Variants in DIRAS2 observed in about 807,000 individuals in gnomAD.
DIRAS2 encodes GTP-binding protein Di-Ras2.
A neutral mutation model predicts 13.9 loss-of-function variants in DIRAS2; 5 were observed. The ratio of observed to expected loss-of-function variants is 0.36; its 90% CI spans 0.19 to 0.76. DIRAS2 has a LOEUF of 0.76. Among genes scored for constraint, DIRAS2 ranks in the 30% least tolerant of loss-of-function variants. The pLI is 0.53. For synonymous variants in DIRAS2, 111 were observed against 105.4 expected, an observed-to-expected ratio of 1.05 and a Z score of -0.33; for missense variants, 191 against 263.0, an observed-to-expected ratio of 0.73 and a Z score of 1.89.
Position 90,613,243 on chromosome 9 carries a change from C to T in DIRAS2, c.585G>A (p.Lys195=), listed in dbSNP as rs1173493031. 9 of 1,613,184 alleles carry T rather than the reference C, an allele frequency of 5.6e-6. No homozygotes were observed. Among genetic ancestry groups the T allele is most frequent in the Non-Finnish European group, 6.8e-6 (8 of 1,179,706 alleles). ...GGAAGGGCCTTCACATGATCACGCACTTGCCTTTGAGCTTCTCTTTCCTTT... is the reference window on the plus strand; with the variant it reads ...GGAAGGGCCTTCACATGATCACGCATTTGCCTTTGAGCTTCTCTTTCCTTT... ...QQKRKEKLKG[K]CVIM is the part of the protein sequence containing the mutation. Residue 195 remains lysine, a synonymous_variant, in exon 2 of 2, where the codon AAG becomes AAA. Transcript: ENST00000375765. This position sits in a 1 kb window ranked among gnomAD's most constrained non-coding sequence, Gnocchi z 5.6.
intron 1 of DIRAS2, among the ~76,000 whole-genome samples, chr9:90,619,995 T>C (rs773307228): frequency 8.7e-5 from 13 of 148,598 alleles, no homozygotes; most frequent in Non-Finnish European, 1.6e-4. Flanking sequence ...ATTGCAAATA[T>C]ACAGAAAGGG....
chr9:90,633,103 G>T (rs1825340434), intron 1 of DIRAS2, among the ~76,000 whole-genome samples: 1 of 152,054 alleles, frequency 6.6e-6, no homozygotes, highest in African/African-American at 2.4e-5. Flanking sequence ...TGTGAGGAGA[G>T]TCTGGAAAAG....
intron 1 of DIRAS2, among the ~76,000 whole-genome samples, chr9:90,633,738 G>C (rs1825347000): frequency 6.6e-6 from 1 of 152,214 alleles, no homozygotes; most frequent in Non-Finnish European, 1.5e-5. Flanking sequence ...AGTCAAATGA[G>C]AACTGGCGAG....
chr9:90,639,578 C>CG (rs151068944), intron 1 of DIRAS2, among the ~76,000 whole-genome samples: 94 of 152,016 alleles, frequency 6.2e-4, no homozygotes, highest in Non-Finnish European at 2.6e-4. Flanking sequence ...GAAGCAAACC[C>CG]GGGGGGGCAG....
rs935150475 is a variant in DIRAS2 at position 90,611,042 on chromosome 9, A to G, written c.*2186T>C. On this transcript the variant is annotated 3_prime_UTR_variant, in exon 2 of 2. Coordinates refer to ENST00000375765, the MANE Select transcript of DIRAS2 (RefSeq NM_017594.5). The stretch of plus-strand genomic sequence containing the variant: ...GCATTCTACTGTTAACAAAGAACCC[A>G]ATCAAAATCTATAGGTCTACTTTGG... 1 of 152,186 alleles carries G rather than the reference A, an allele frequency of 6.6e-6. No individual in the cohort carries two copies. Among genetic ancestry groups the G allele is most frequent in the Non-Finnish European group, 1.5e-5 (1 of 68,022 alleles). The allele number at this position is 152,186 out of a possible 1,614,324, so 9.4% of individuals were successfully genotyped here.
chr9:90,632,983 T>C (rs539885009), intron 1 of DIRAS2, among the ~76,000 whole-genome samples: 345 of 152,278 alleles, frequency 2.3e-3, no homozygotes, highest in African/African-American at 7.6e-3. Context: ...GACGGATTAG[T>C]GAAGCCAGAC....
At chr9:90,615,581 C>T (rs1825161725) in intron 1 of DIRAS2, among the ~76,000 whole-genome samples, 2 of 152,166 alleles carry the variant, frequency 1.3e-5, no homozygotes, top group Non-Finnish European at 2.9e-5. Flanking sequence ...GTCACTATAA[C>T]AGAATACCTC....
chr9:90,631,115 G>T (rs1825320838), intron 1 of DIRAS2, among the ~76,000 whole-genome samples: 1 of 152,178 alleles, frequency 6.6e-6, no homozygotes, highest in African/African-American at 2.4e-5. Context: ...GATGATGAGA[G>T]ACCAGGGAAG....
At chr9:90,617,008 A>G (rs756157860) in intron 1 of DIRAS2, among the ~76,000 whole-genome samples, 4 of 152,200 alleles carry the variant, frequency 2.6e-5, no homozygotes, top group Non-Finnish European at 5.9e-5. Flanking sequence ...CATTTCACAG[A>G]GGGCTGGAAC....
At chr9:90,640,062 A>G (rs1825405215) in intron 1 of DIRAS2, among the ~76,000 whole-genome samples, 1 of 152,224 alleles carries the variant, frequency 6.6e-6, no homozygotes, top group African/African-American at 2.4e-5. Context: ...AAAAGGTAAA[A>G]TATCTTACCA....
chr9:90,633,317 A>C (rs1825343833), intron 1 of DIRAS2, among the ~76,000 whole-genome samples: 1 of 152,184 alleles, frequency 6.6e-6, no homozygotes, highest in African/African-American at 2.4e-5. Flanking sequence ...GGTAGACTGG[A>C]GGAGAAGGAA....
rs1825131354 is a variant in DIRAS2, at chr9:90,613,120, A to G, written c.*108T>C. On this transcript the variant is annotated 3_prime_UTR_variant, in exon 2 of 2. Transcript: ENST00000375765. The surrounding 1 kb of genome is among the most constrained non-coding windows in gnomAD (Gnocchi z 5.6). ...AATAGGACGCATCTCGATTAAATGC[A>G]ATGTTTAACACGTGGGCATTATACA... is the stretch of plus-strand genomic sequence containing the variant. The G allele has an allele frequency of 3.4e-6, 5 of 1,458,180 alleles. No individual in the cohort carries two copies. The highest frequency in any genetic ancestry group is 1.4e-5 in the African/African-American group (1 of 70,762). 90.3% of individuals were successfully genotyped at this position (1,458,180 alleles called of 1,614,324 possible). A position where few individuals can be genotyped will look rare whatever the true frequency, so the allele number is the denominator to read the frequency against.
intron 1 of DIRAS2, among the ~76,000 whole-genome samples, chr9:90,626,959 C>T (rs1825275214): frequency 6.6e-6 from 1 of 152,150 alleles, no homozygotes; most frequent in Non-Finnish European, 1.5e-5. Context: ...GAATTGTAAG[C>T]CCCAATGCTG....
intron 1 of DIRAS2, among the ~76,000 whole-genome samples, chr9:90,618,457 C>T (rs1825189841): frequency 1.3e-5 from 2 of 152,158 alleles, no homozygotes; most frequent in Admixed American, 1.3e-4. Flanking sequence ...AACTATAAAA[C>T]TCTTAGAAGA....
chr9:90,612,525 T>A lies in DIRAS2; in HGVS notation c.*703A>T, dbSNP rs564905100. On this transcript the variant is annotated 3_prime_UTR_variant, in exon 2 of 2. Coordinates refer to ENST00000375765, the MANE Select transcript of DIRAS2 (RefSeq NM_017594.5). ...TGTCACGATATCCTCACTTAAAAAC[T>A]GAAGAACTTCCGACAGAGCAGCACA... The A allele has an allele frequency of 2.0e-5, 3 of 152,414 alleles. No homozygotes were observed. In the South Asian group the frequency reaches 6.2e-4, roughly 32 times the overall value. 9.4% of individuals were successfully genotyped at this position (152,414 alleles called of 1,614,324 possible).
intron 1 of DIRAS2, among the ~76,000 whole-genome samples, chr9:90,625,351 A>G (rs1825258521): frequency 6.6e-6 from 1 of 152,158 alleles, no homozygotes. Context: ...ATCATGAATT[A>G]TTTTGTTTCT....
intron 1 of DIRAS2, among the ~76,000 whole-genome samples, chr9:90,626,803 C>T (rs950049230): frequency 2.0e-5 from 3 of 152,180 alleles, no homozygotes; most frequent in Admixed American, 6.5e-5. Context: ...TTTGTGTGCC[C>T]GTGTTCACAC....
intron 1 of DIRAS2, among the ~76,000 whole-genome samples, chr9:90,636,651 A>G (rs553155906): frequency 1.3e-5 from 2 of 152,340 alleles, no homozygotes; most frequent in African/African-American, 4.8e-5. Flanking sequence ...TTAGCATGTG[A>G]CTAAATGATT....
chr9:90,633,509 G>A (rs1013494695), intron 1 of DIRAS2, among the ~76,000 whole-genome samples: 1 of 152,174 alleles, frequency 6.6e-6, no homozygotes, highest in African/African-American at 2.4e-5. Context: ...GTAGACAGGT[G>A]GATACATGTC....
Sources: allele counts gnomAD v4.1 joint callset (sites outside exome capture counted in the v4.1 genomes callset), GRCh38; gene constraint gnomAD v4.1.1; non-coding constraint Gnocchi (gnomAD v3.1); transcripts MANE v1.5; gene names NCBI Gene and HGNC (gene_info 2026-07-23, HGNC 2026-07-21).